DUSP13B: variants seen among roughly 807,000 people sequenced by gnomAD.
DUSP13B encodes the protein dual specificity protein phosphatase 13B.
the DUSP13B span, chr10:75,094,983 G>T: frequency 9.8e-7 from 1 of 1,015,434 alleles, no homozygotes; most frequent in Non-Finnish European, 1.5e-6. Context: ...CTGGAATACT[G>T]ACACTGTCTA....
the DUSP13B span, among the ~76,000 whole-genome samples, chr10:75,108,679 CAG>C: frequency 6.6e-6 from 1 of 152,222 alleles, no homozygotes; most frequent in Non-Finnish European, 1.5e-5. Context: ...GGCCCAGAAA[CAG>C]GGGGCTCTCT....
chr10:75,102,299 C>T, the DUSP13B span, among the ~76,000 whole-genome samples: 33 of 152,122 alleles, frequency 2.2e-4, no homozygotes, highest in Admixed American at 6.5e-4. Context: ...ACAGGCTAGC[C>T]GGGCGTGGTG....
the DUSP13B span, chr10:75,098,000 C>T: frequency 3.2e-6 from 3 of 925,194 alleles, no homozygotes; most frequent in African/African-American, 1.7e-5. Context: ...GCAGGAAGGG[C>T]TTCATCTATT....
chr10:75,109,110 C>T, the DUSP13B span: 10 of 1,611,688 alleles, frequency 6.2e-6, no homozygotes, highest in East Asian at 1.3e-4. Context: ...TGGGGCAAGG[C>T]GTGGCTTTGT....
the DUSP13B span, chr10:75,105,572 TG>T: frequency 1.6e-6 from 2 of 1,284,666 alleles, no homozygotes; most frequent in Non-Finnish European, 2.2e-6. Flanking sequence ...CAACCAATCC[TG>T]GAAGAATCCA....
the DUSP13B span, chr10:75,101,772 C>A: frequency 8.9e-6 from 7 of 789,118 alleles, no homozygotes; most frequent in South Asian, 1.4e-5. Flanking sequence ...CCAAACCCCA[C>A]CCCTCCCCAC....
At chr10:75,105,060 G>C in the DUSP13B span, among the ~76,000 whole-genome samples, 1 of 152,194 alleles carries the variant, frequency 6.6e-6, no homozygotes, top group Non-Finnish European at 1.5e-5. Flanking sequence ...GGCGAGACAG[G>C]CAAGGAGTTG....
chr10:75,106,609 C>T, the DUSP13B span, among the ~76,000 whole-genome samples: 67 of 152,314 alleles, frequency 4.4e-4, no homozygotes, highest in African/African-American at 1.5e-3. Context: ...TTAGCACCCC[C>T]GCCGTGTGCT....
At chr10:75,105,912 C>T in the DUSP13B span, 3 of 1,526,718 alleles carry the variant, frequency 2.0e-6, no homozygotes, top group East Asian at 7.4e-5. Flanking sequence ...CACACACCGG[C>T]CCACCCACGG....
At chr10:75,108,952 C>G in the DUSP13B span, 1 of 1,543,690 alleles carries the variant, frequency 6.5e-7, no homozygotes, top group South Asian at 1.2e-5. Context: ...GGTAAAGCGA[C>G]CAAGAACTGC....
chr10:75,105,816 G>A, the DUSP13B span: 1 of 1,550,946 alleles, frequency 6.4e-7, no homozygotes, highest in South Asian at 1.2e-5. Flanking sequence ...GGTAGGCCAG[G>A]ACCAGCGTGG....
chr10:75,108,005 G>A, the DUSP13B span: 6 of 1,612,806 alleles, frequency 3.7e-6, no homozygotes, highest in African/African-American at 1.3e-5. Flanking sequence ...CAGGCGTGTT[G>A]AGGGCACGGT....
At chr10:75,096,343 A>G in the DUSP13B span, among the ~76,000 whole-genome samples, 1 of 151,402 alleles carries the variant, frequency 6.6e-6, no homozygotes, top group Non-Finnish European at 1.5e-5. Context: ...TTGGGAGACT[A>G]AGGCGGGAGG....
chr10:75,102,203 G>A, the DUSP13B span, among the ~76,000 whole-genome samples: 48 of 152,302 alleles, frequency 3.2e-4, no homozygotes, highest in African/African-American at 1.0e-3. Context: ...GGGGCCGGGC[G>A]CGGTGGCTGA....
chr10:75,104,851 G>A, the DUSP13B span, among the ~76,000 whole-genome samples: 1 of 152,104 alleles, frequency 6.6e-6, no homozygotes, highest in African/African-American at 2.4e-5. Context: ...CTTCTGCTTG[G>A]GCTGGCTATG....
chr10:75,107,248 T>C, the DUSP13B span, among the ~76,000 whole-genome samples: 1 of 151,414 alleles, frequency 6.6e-6, no homozygotes, highest in Non-Finnish European at 1.5e-5. Context: ...GACACGAAAA[T>C]TGCTTGAAGC....
the DUSP13B span, chr10:75,095,621 A>G: frequency 6.2e-7 from 1 of 1,614,236 alleles, no homozygotes; most frequent in Non-Finnish European, 8.5e-7. Flanking sequence ...CAACAGGCAG[A>G]AAGTAGACAC....
chr10:75,099,660 G>C, the DUSP13B span: 1 of 735,354 alleles, frequency 1.4e-6, no homozygotes, highest in Non-Finnish European at 1.9e-6. Flanking sequence ...CTCTCTGCTT[G>C]GTATCTGTTT....
chr10:75,101,949 C>G, the DUSP13B span: 2 of 1,367,778 alleles, frequency 1.5e-6, no homozygotes, highest in South Asian at 2.3e-5. Flanking sequence ...TCTCCGCACA[C>G]TTGATGCTGT....
Sources: gnomAD v4.1 joint callset for allele counts (sites outside exome capture counted in the v4.1 genomes callset) on GRCh38, gnomAD v4.1.1 for gene constraint, MANE v1.5 for transcripts, NCBI Gene and HGNC (gene_info 2026-07-23, HGNC 2026-07-21) for gene names.